The following ANXA8 variants were observed in gnomAD, a reference collection of about 807,000 sequenced individuals.
ANXA8 encodes the protein VAC-beta.
Under a neutral mutation model 26.8 loss-of-function variants are expected in ANXA8, and 9 were observed. The ratio of observed to expected loss-of-function variants is 0.34; its 90% CI spans 0.20 to 0.59. ANXA8 has a LOEUF of 0.59. Among genes scored for constraint, ANXA8 ranks in the 20% least tolerant of loss-of-function variants. ANXA8 has a pLI of 0.84. For synonymous variants in ANXA8, 39 were observed against 94.8 expected (o/e 0.41, Z 3.42); for missense variants, 83 against 238.5 (o/e 0.35, Z 4.29).
At chr10:47,706,005 G>A in the ANXA8 span, among the ~76,000 whole-genome samples, 309 of 147,472 alleles carry the variant, frequency 2.1e-3, 3 homozygotes, top group African/African-American at 6.9e-3. Context: ...GCGTGTTGTG[G>A]GGGGGGAGGG....
the ANXA8 span, among the ~76,000 whole-genome samples, chr10:47,966,050 A>C: frequency 7.1e-6 from 1 of 141,358 alleles, no homozygotes. Flanking sequence ...AAAGGGGAAG[A>C]GGAAGAGGCT....
chr10:47,769,958 A>T, the ANXA8 span, among the ~76,000 whole-genome samples: 1 of 151,442 alleles, frequency 6.6e-6, no homozygotes, highest in African/African-American at 2.4e-5. Context: ...AGGCCTCAGG[A>T]AGCTTCTACT....
chr10:47,701,202 A>G, the ANXA8 span, among the ~76,000 whole-genome samples: 1 of 132,766 alleles, frequency 7.5e-6, no homozygotes, highest in Non-Finnish European at 1.6e-5. Flanking sequence ...GGCAAAATTA[A>G]AAAAAAAAAA....
the ANXA8 span, chr10:47,502,086 C>T: frequency 2.0e-5 from 31 of 1,569,098 alleles, 2 homozygotes; most frequent in Middle Eastern, 2.3e-4. Context: ...TACACGCACT[C>T]GTCGGGGCAG....
At chr10:47,483,867 C>G in intron 1 of ANXA8, 46 bp downstream of exon 1, 1 of 1,611,656 alleles carries the variant, frequency 6.2e-7, no homozygotes, top group Non-Finnish European at 8.5e-7. Flanking sequence ...GTGACCAGCA[C>G]CCAACACCAT....
the ANXA8 span, among the ~76,000 whole-genome samples, chr10:47,685,158 C>T: frequency 1.3e-4 from 20 of 150,440 alleles, no homozygotes. Context: ...ACCAGCCTGA[C>T]TTACATGGAG....
the ANXA8 span, among the ~76,000 whole-genome samples, chr10:47,694,036 C>CTT: frequency 6.6e-6 from 1 of 151,512 alleles, no homozygotes; most frequent in South Asian, 2.1e-4. Flanking sequence ...TCTCAGGGGC[C>CTT]TTTTCCGTTT....
the ANXA8 span, among the ~76,000 whole-genome samples, chr10:47,630,912 G>T: frequency 1.3e-5 from 2 of 149,654 alleles, no homozygotes; most frequent in African/African-American, 2.5e-5. Flanking sequence ...TGACAAGAAA[G>T]GTCTTCTGTA....
the ANXA8 span, among the ~76,000 whole-genome samples, chr10:47,557,150 G>A: frequency 7.4e-6 from 1 of 135,048 alleles, no homozygotes; most frequent in Non-Finnish European, 1.6e-5. Context: ...GGGATTACAG[G>A]CGTGCACCAC....
the ANXA8 span, among the ~76,000 whole-genome samples, chr10:47,693,935 T>C: frequency 6.6e-6 from 1 of 151,878 alleles, no homozygotes; most frequent in Non-Finnish European, 1.5e-5. Context: ...AGTTTTGGAG[T>C]GTTAACAAAA....
the ANXA8 span, among the ~76,000 whole-genome samples, chr10:47,595,774 T>C: frequency 2.7e-5 from 4 of 148,828 alleles, no homozygotes; most frequent in East Asian, 7.8e-4. Context: ...AAGAAATCAC[T>C]ACTAGACCTA....
the ANXA8 span, among the ~76,000 whole-genome samples, chr10:47,914,007 T>C: frequency 0.28 from 2,093 of 7,466 alleles, 222 homozygotes; most frequent in Non-Finnish European, 0.35. Flanking sequence ...GAGCAGTTCC[T>C]CGGGCTTCCT....
chr10:47,513,462 C>G, the ANXA8 span, among the ~76,000 whole-genome samples: 26 of 142,074 alleles, frequency 1.8e-4, 5 homozygotes, highest in African/African-American at 6.4e-4. Context: ...ACCATACTGC[C>G]AAAAGCAATC....
At chr10:47,625,899 GACT>G in the ANXA8 span, among the ~76,000 whole-genome samples, 2 of 150,768 alleles carry the variant, frequency 1.3e-5, no homozygotes, top group South Asian at 4.1e-4. Context: ...AGCTTCTGAT[GACT>G]ACCAATTAAC....
At chr10:47,627,667 C>T in the ANXA8 span, among the ~76,000 whole-genome samples, 4 of 150,182 alleles carry the variant, frequency 2.7e-5, no homozygotes, top group East Asian at 1.9e-4. Flanking sequence ...TCTGAAAATT[C>T]CCTCATCTAT....
At chr10:47,705,932 G>T in the ANXA8 span, among the ~76,000 whole-genome samples, 1 of 150,440 alleles carries the variant, frequency 6.6e-6, no homozygotes, top group African/African-American at 2.4e-5. Context: ...GCGTATTTCG[G>T]GGGGCGGAGG....
At chr10:47,528,998 G>T in the ANXA8 span, among the ~76,000 whole-genome samples, 1 of 141,534 alleles carries the variant, frequency 7.1e-6, no homozygotes, top group South Asian at 2.3e-4. Flanking sequence ...TACCATTTTG[G>T]ATAATTCTTG....
chr10:47,657,521 C>G, the ANXA8 span, among the ~76,000 whole-genome samples: 2 of 151,796 alleles, frequency 1.3e-5, no homozygotes, highest in African/African-American at 4.9e-5. Context: ...TACTTCGTTT[C>G]TTGAAACTTG....
At chr10:47,589,715 GA>G in the ANXA8 span, among the ~76,000 whole-genome samples, 17 of 144,620 alleles carry the variant, frequency 1.2e-4, no homozygotes, top group Non-Finnish European at 2.2e-4. Flanking sequence ...TCACTCCCCT[GA>G]AAAAAATGCT....
Sources: allele counts gnomAD v4.1 joint callset (sites outside exome capture counted in the v4.1 genomes callset), GRCh38; gene constraint gnomAD v4.1.1; transcripts MANE v1.5; gene names NCBI Gene and HGNC (gene_info 2026-07-23, HGNC 2026-07-21).